Variants in STRBP observed in about 807,000 individuals in gnomAD.
STRBP encodes the protein spermatid perinuclear RNA-binding protein.
Under a neutral mutation model 80.1 loss-of-function variants are expected in STRBP, and 13 were observed. The ratio of observed to expected loss-of-function variants is 0.16; its 90% CI spans 0.11 to 0.26. The LOEUF is 0.26. STRBP is among the 10% of genes least tolerant of loss of function. The pLI, the probability that STRBP is intolerant of heterozygous loss-of-function variation, is 1.00. For missense variants in STRBP, 485 were observed against 815.2 expected (o/e 0.59, Z 4.93); for synonymous variants, 284 against 291.2 (o/e 0.98, Z 0.25).
chr9:123,258,044 C>T (rs897015990), intron 1 of STRBP, among the ~76,000 whole-genome samples: 14 of 151,868 alleles, frequency 9.2e-5, no homozygotes, highest in African/African-American at 2.2e-4. Flanking sequence ...GACTTCAAGG[C>T]GCATAATATT....
intron 17 of STRBP, among the ~76,000 whole-genome samples, chr9:123,131,361 G>C (rs1348714081): frequency 6.6e-6 from 1 of 152,192 alleles, no homozygotes; most frequent in Non-Finnish European, 1.5e-5. Flanking sequence ...GAGTCATCCA[G>C]CTTTAATTCA....
intron 8 of STRBP, among the ~76,000 whole-genome samples, chr9:123,159,815 A>C (rs1335856385): frequency 6.6e-6 from 1 of 152,202 alleles, no homozygotes; most frequent in African/African-American, 2.4e-5. Flanking sequence ...GAGCAGGCAT[A>C]ATTTCCAAGT....
At chr9:123,254,456 CA>C (rs1205708821) in intron 1 of STRBP, among the ~76,000 whole-genome samples, 2,512 of 65,336 alleles carry the variant, frequency 0.038, 23 homozygotes, top group African/African-American at 0.072. Flanking sequence ...GACTCCGTCT[CA>C]AAAAAAAAAA....
At chr9:123,262,758 T>C (rs1230847206) in intron 1 of STRBP, among the ~76,000 whole-genome samples, 3 of 152,228 alleles carry the variant, frequency 2.0e-5, no homozygotes. Context: ...GCAGGCACTA[T>C]ACTTCTCAAA....
At chr9:123,121,614 TTG>T (rs1406150299), downstream of STRBP, 105 of 26,330 alleles carry the variant, frequency 4.0e-3, no homozygotes, top group Non-Finnish European at 7.1e-3. Flanking sequence ...TATTTTGTTT[TTG>T]TTTTTTTTTT....
At chr9:123,146,803 T>A in intron 13 of STRBP, 52 bp downstream of exon 13, 1 of 1,445,932 alleles carries the variant, frequency 6.9e-7, no homozygotes, top group Non-Finnish European at 9.4e-7. Context: ...AATAAGCATA[T>A]TATTTGGAAC....
chr9:123,229,314 T>G (rs978607083), intron 2 of STRBP, among the ~76,000 whole-genome samples: 1 of 152,216 alleles, frequency 6.6e-6, no homozygotes, highest in African/African-American at 2.4e-5. Context: ...TTGTACATTT[T>G]AAATAGCGAA....
At chr9:123,209,771 A>G (rs1174096111) in intron 2 of STRBP, among the ~76,000 whole-genome samples, 1 of 152,244 alleles carries the variant, frequency 6.6e-6, no homozygotes, top group Admixed American at 6.5e-5. Context: ...TTTCAAGCTC[A>G]GTAATAAAAA....
rs185843413 is a variant in STRBP at position 123,197,972 on chromosome 9, C to G, written c.-164-13674G>C. On this transcript the variant is annotated intron_variant, in intron 2 of 18. Transcript: ENST00000348403. ...TACAGGCGTGAGCCACGGAGCCTGG[C>G]TCTGTCTTTTTAATAATGACCATTC... is the stretch of plus-strand genomic sequence containing the variant. Among the ~76,000 whole-genome samples, 516 of 152,200 alleles carry G rather than the reference C, an allele frequency of 3.4e-3. 3 individuals carry two copies. Among genetic ancestry groups the G allele is most frequent in the Non-Finnish European group, 5.0e-3 (341 of 68,012 alleles).
At chr9:123,260,584 A>G (rs577239119) in intron 1 of STRBP, among the ~76,000 whole-genome samples, 1 of 152,232 alleles carries the variant, frequency 6.6e-6, no homozygotes, top group Non-Finnish European at 1.5e-5. Flanking sequence ...TTCTGTGCAG[A>G]AGATAAGGAA....
chr9:123,157,963 T>C lies in STRBP; in HGVS notation c.1045+49A>G, dbSNP rs2037360436. On this transcript the variant is annotated intron_variant, in intron 11 of 18. Coordinates refer to ENST00000348403, the MANE Select transcript of STRBP (RefSeq NM_018387.5). ...TAATGAGAGATGAATCCCATGATTA[T>C]CTCTACCAGTGCCAACCCCCAACCC... is the stretch of plus-strand genomic sequence containing the variant. The C allele has an allele frequency of 3.1e-6, 4 of 1,280,484 alleles. No homozygotes were observed. In the African/African-American group the frequency reaches 5.8e-5, roughly 19 times the overall value. 79.3% of individuals were successfully genotyped at this position (1,280,484 alleles called of 1,614,324 possible). A position where few individuals can be genotyped will look rare whatever the true frequency, so the allele number is the denominator to read the frequency against.
intron 2 of STRBP, among the ~76,000 whole-genome samples, chr9:123,187,686 A>G (rs2038752634): frequency 6.6e-6 from 1 of 152,136 alleles, no homozygotes; most frequent in Non-Finnish European, 1.5e-5. Flanking sequence ...TATTTTCTAG[A>G]GCAGCTTTAG....
intron 2 of STRBP, among the ~76,000 whole-genome samples, chr9:123,230,156 G>C (rs1317832264): frequency 1.3e-5 from 2 of 152,142 alleles, no homozygotes; most frequent in South Asian, 4.1e-4. Flanking sequence ...AAAGCAGTAG[G>C]ATCAACAGAT....
At chr9:123,188,378 C>T (rs567498454) in intron 2 of STRBP, among the ~76,000 whole-genome samples, 62 of 152,196 alleles carry the variant, frequency 4.1e-4, no homozygotes, top group African/African-American at 1.3e-3. Context: ...CGGTGGCTCA[C>T]GTCTGTTAAT....
At position 123,122,541 on chromosome 9, in the gene STRBP, T is replaced by C; in HGVS notation, c.*3056A>G. 8.7e-7 allele frequency: 1 copy of C among 1,153,652 alleles called. No homozygotes were observed. The highest frequency in any genetic ancestry group is 1.9e-5 in the South Asian group (1 of 53,180). 71.5% of individuals were successfully genotyped at this position (1,153,652 alleles called of 1,614,324 possible). A position where few individuals can be genotyped will look rare whatever the true frequency, so the allele number is the denominator to read the frequency against. On this transcript the variant is annotated 3_prime_UTR_variant, in exon 19 of 19. Coordinates refer to ENST00000348403, the MANE Select transcript of STRBP (RefSeq NM_018387.5). ...GAGAGACTACAAACGACTTCAGAACTATATAAACTCAACTCCTTACTTCAC... is the reference window on the plus strand; with the variant it reads ...GAGAGACTACAAACGACTTCAGAACCATATAAACTCAACTCCTTACTTCAC...
intron 17 of STRBP, among the ~76,000 whole-genome samples, chr9:123,132,162 T>G (rs1453711294): frequency 6.6e-6 from 1 of 152,218 alleles, no homozygotes; most frequent in Non-Finnish European, 1.5e-5. Flanking sequence ...ACTTTGGAAA[T>G]GCAAACACCT....
At chr9:123,152,368 T>G (rs1282983341) in intron 11 of STRBP, among the ~76,000 whole-genome samples, 3 of 152,126 alleles carry the variant, frequency 2.0e-5, no homozygotes, top group Non-Finnish European at 4.4e-5. Flanking sequence ...TGTGTTTTTG[T>G]GACTTGCCCA....
At chr9:123,172,486 A>AT (rs1325766197) in intron 5 of STRBP, among the ~76,000 whole-genome samples, 1 of 152,194 alleles carries the variant, frequency 6.6e-6, no homozygotes, top group Non-Finnish European at 1.5e-5. Flanking sequence ...TCACAAAAGG[A>AT]TTTTTTTAAA....
intron 5 of STRBP, among the ~76,000 whole-genome samples, chr9:123,171,423 AAAT>A (rs2038004599): frequency 6.6e-6 from 1 of 152,166 alleles, no homozygotes; most frequent in Non-Finnish European, 1.5e-5. Context: ...GTCCATAAGG[AAAT>A]AATATCGTAT....
Sources: gnomAD v4.1 joint callset for allele counts (sites outside exome capture counted in the v4.1 genomes callset) on GRCh38, gnomAD v4.1.1 for gene constraint, MANE v1.5 for transcripts, NCBI Gene and HGNC (gene_info 2026-07-23, HGNC 2026-07-21) for gene names.